Variants in KCND2 observed in about 807,000 individuals in gnomAD.
KCND2 encodes the protein A-type voltage-gated potassium channel KCND2.
Under a neutral mutation model 54.4 loss-of-function variants are expected in KCND2, and 16 were observed. That is an observed-to-expected ratio of 0.29 (90% CI 0.20 to 0.45). The LOEUF (loss-of-function observed/expected upper bound fraction) is 0.45. Ranked by LOEUF, KCND2 falls within the 20% of genes least tolerant of loss-of-function variation. The pLI, the probability that KCND2 is intolerant of heterozygous loss-of-function variation, is 1.00. For missense variants in KCND2, 486 were observed against 824.2 expected (o/e 0.59, Z 5.02); for synonymous variants, 317 against 310.7 (o/e 1.02, Z -0.21).
rs2116241609 is a variant in KCND2, at chr7:120,274,618, C to A, written c.-15C>A. The A allele has an allele frequency of 6.2e-7, 1 of 1,614,178 alleles. No individual in the cohort carries two copies. Among genetic ancestry groups the A allele is most frequent in the Non-Finnish European group, 8.5e-7 (1 of 1,180,042 alleles). The stretch of plus-strand genomic sequence containing the variant: ...AGACGCCTCGTTACCCTTCTTCCTT[C>A]CGCTTCAAGTAATCATGGCGGCGGG... On this transcript the variant is annotated 5_prime_UTR_variant, in exon 1 of 6. Transcript: ENST00000331113.
chr7:120,368,479 A>G (rs1800718327), intron 1 of KCND2, among the ~76,000 whole-genome samples: 1 of 152,110 alleles, frequency 6.6e-6, no homozygotes, highest in Admixed American at 6.6e-5. Flanking sequence ...CTTAGTAAAC[A>G]TGGGAATGAC....
intron 1 of KCND2, among the ~76,000 whole-genome samples, chr7:120,284,705 A>G (rs1799314754): frequency 6.6e-6 from 1 of 152,140 alleles, no homozygotes; most frequent in African/African-American, 2.4e-5. Context: ...TAGTCATGAA[A>G]TTTATATAAA....
At position 120,426,585 on chromosome 7, in the gene KCND2, TTTG is replaced by T. The variant is rs1230170410; in HGVS notation, c.1115+150841_1115+150843del. On this transcript the variant is annotated intron_variant, in intron 1 of 5. Transcript: ENST00000331113. ...ATGTACGTTTTTTGTGGGGTTTTTC[TTTG>T]TTTTTTTTTTTTTTTTTTTGAGATG... Among the ~76,000 whole-genome samples, 17 of 133,074 alleles carry T rather than the reference TTTG, an allele frequency of 1.3e-4. 1 individual carries two copies. The highest frequency in any genetic ancestry group is 1.8e-4 in the African/African-American group (6 of 32,608). 87.3% of individuals were successfully genotyped at this position (133,074 alleles called of 152,430 possible).
chr7:120,695,806 G>A (rs1197822554), intron 1 of KCND2, among the ~76,000 whole-genome samples: 2 of 152,118 alleles, frequency 1.3e-5, no homozygotes, highest in African/African-American at 4.8e-5. Flanking sequence ...AGATTAATCA[G>A]AATGCAAAGT....
At chr7:120,540,729 T>C (rs1307613664) in intron 1 of KCND2, among the ~76,000 whole-genome samples, 1 of 152,314 alleles carries the variant, frequency 6.6e-6, no homozygotes, top group East Asian at 1.9e-4. Flanking sequence ...CTATAATGGA[T>C]AAGTCGATCA....
intron 1 of KCND2, among the ~76,000 whole-genome samples, chr7:120,369,781 A>ATT (rs1035863517): frequency 2.4e-4 from 36 of 152,060 alleles, no homozygotes; most frequent in Non-Finnish European, 8.8e-5. Flanking sequence ...AGACAACAAT[A>ATT]TTTATTTACC....
At position 120,274,910 on chromosome 7, in the gene KCND2, G is replaced by A. The variant is rs867482829; in HGVS notation, c.278G>A (p.Arg93His). ...TTTGACCGTGACCCAGACATCTTCCGCCACATCCTGAATTTCTACCGCACT... is the reference window on the plus strand; with the variant it reads ...TTTGACCGTGACCCAGACATCTTCCACCACATCCTGAATTTCTACCGCACT... ...YFFDRDPDIF[R>H]HILNFYRTGK... The change falls in exon 1 of 6, where the codon CGC becomes CAC. Residue 93 changes from arginine to histidine, a missense_variant. By Grantham distance (29) the Arg-to-His change is conservative. Coordinates refer to ENST00000331113, the MANE Select transcript of KCND2 (RefSeq NM_012281.3). 2 of 1,613,892 alleles carry A rather than the reference G, an allele frequency of 1.2e-6. No homozygotes were observed. Among genetic ancestry groups the A allele is most frequent in the Non-Finnish European group, 1.7e-6 (2 of 1,179,980 alleles).
At chr7:120,664,880 T>C (rs1052230580) in intron 1 of KCND2, among the ~76,000 whole-genome samples, 3 of 152,108 alleles carry the variant, frequency 2.0e-5, no homozygotes, top group Non-Finnish European at 4.4e-5. Flanking sequence ...AACCACATAG[T>C]AGAAAAATAT....
At chr7:120,655,634 A>G (rs1791792890) in intron 1 of KCND2, among the ~76,000 whole-genome samples, 1 of 152,102 alleles carries the variant, frequency 6.6e-6, no homozygotes, top group Non-Finnish European at 1.5e-5. Flanking sequence ...TTTTACAAAA[A>G]TGTACATAAA....
intron 1 of KCND2, among the ~76,000 whole-genome samples, chr7:120,311,568 T>C (rs1452109397): frequency 6.6e-6 from 1 of 152,188 alleles, no homozygotes; most frequent in Non-Finnish European, 1.5e-5. Context: ...ATGGATTTTC[T>C]CCTTTTTTAA....
chr7:120,572,019 G>C (rs2116427596), intron 1 of KCND2, among the ~76,000 whole-genome samples: 1 of 152,224 alleles, frequency 6.6e-6, no homozygotes, highest in East Asian at 1.9e-4. Context: ...TTATTTTCCT[G>C]GCTAATTCCT....
At chr7:120,445,638 G>A (rs955489991) in intron 1 of KCND2, among the ~76,000 whole-genome samples, 23 of 152,214 alleles carry the variant, frequency 1.5e-4, no homozygotes, top group African/African-American at 5.1e-4. Flanking sequence ...TGTTCATTAT[G>A]TATATTATCT....
intron 1 of KCND2, among the ~76,000 whole-genome samples, chr7:120,522,345 G>A (rs1306242679): frequency 1.3e-5 from 2 of 152,180 alleles, no homozygotes; most frequent in Non-Finnish European, 2.9e-5. Context: ...CACAAAGACT[G>A]ACTTCTCAAC....
intron 1 of KCND2, among the ~76,000 whole-genome samples, chr7:120,554,822 A>C (rs937174049): frequency 6.6e-6 from 1 of 152,216 alleles, no homozygotes; most frequent in Non-Finnish European, 1.5e-5. Flanking sequence ...GGACTTAGCC[A>C]TAGAATTATA....
Position 120,655,131 on chromosome 7 carries a change from A to C in KCND2, c.1116-77772A>C, listed in dbSNP as rs148191824. The stretch of plus-strand genomic sequence containing the variant: ...GGGTTATACATGTTAATTCATTTTT[A>C]TATTTAGAAAAATAGTTTGAATTTT... On this transcript the variant is annotated intron_variant, in intron 1 of 5. Transcript: ENST00000331113. Among the ~76,000 whole-genome samples the C allele has an allele frequency of 1.5e-3, 224 of 152,210 alleles. 1 individual carries two copies. The highest frequency in any genetic ancestry group is 2.8e-4 in the Non-Finnish European group (19 of 67,908).
intron 1 of KCND2, among the ~76,000 whole-genome samples, chr7:120,428,086 A>G (rs955379043): frequency 3.3e-5 from 5 of 152,252 alleles, no homozygotes; most frequent in Admixed American, 6.5e-5. Context: ...TAATTTGAAT[A>G]TTATAATCAC....
At chr7:120,412,204 A>AT (rs1195633547) in intron 1 of KCND2, among the ~76,000 whole-genome samples, 1 of 152,072 alleles carries the variant, frequency 6.6e-6, no homozygotes, top group Non-Finnish European at 1.5e-5. Flanking sequence ...GAAGTTACAC[A>AT]TTTAAATCAA....
At chr7:120,399,845 C>T (rs1801219766) in intron 1 of KCND2, among the ~76,000 whole-genome samples, 1 of 151,942 alleles carries the variant, frequency 6.6e-6, no homozygotes, top group South Asian at 2.1e-4. Context: ...CCTGCCTCAG[C>T]CTCCTGAGTA....
intron 1 of KCND2, among the ~76,000 whole-genome samples, chr7:120,664,950 T>C (rs778273184): frequency 3.9e-5 from 6 of 152,116 alleles, no homozygotes; most frequent in Non-Finnish European, 8.8e-5. Flanking sequence ...AACGTACAAC[T>C]ATCTTCAGAG....
Sources: allele counts gnomAD v4.1 joint callset (sites outside exome capture counted in the v4.1 genomes callset), GRCh38; gene constraint gnomAD v4.1.1; transcripts MANE v1.5; gene names NCBI Gene and HGNC (gene_info 2026-07-23, HGNC 2026-07-21).